Variants in SLC24A2 observed in about 807,000 individuals in gnomAD.
The protein encoded by SLC24A2 is sodium/potassium/calcium exchanger 2.
In SLC24A2, 36 loss-of-function variants were observed where a neutral mutation model predicts 62.0. The observed-to-expected ratio is 0.58, with a 90% CI of 0.44 to 0.77. The LOEUF is 0.77. SLC24A2 is among the 30% of genes least tolerant of loss of function. SLC24A2 has a pLI of 0.00. For synonymous variants in SLC24A2, 358 were observed against 294.0 expected, an observed-to-expected ratio of 1.22 and a Z score of -2.23; for missense variants, 846 against 817.9, an observed-to-expected ratio of 1.03 and a Z score of -0.42.
chr9:19,584,326 A>G (rs970327205), intron 5 of SLC24A2, among the ~76,000 whole-genome samples: 2 of 152,158 alleles, frequency 1.3e-5, no homozygotes, highest in Non-Finnish European at 2.9e-5. Flanking sequence ...AAACAAACAA[A>G]AAACAAAAAA....
chr9:20,245,469 G>A, the SLC24A2 span, among the ~76,000 whole-genome samples: 3 of 152,188 alleles, frequency 2.0e-5, no homozygotes, highest in Non-Finnish European at 2.9e-5. Flanking sequence ...AGAGCATGGC[G>A]ACTGGGAGTG....
the SLC24A2 span, among the ~76,000 whole-genome samples, chr9:20,015,321 T>C: frequency 6.6e-6 from 1 of 152,188 alleles, no homozygotes; most frequent in Non-Finnish European, 1.5e-5. Flanking sequence ...GCTTCAAAGA[T>C]GGGTAGCCTT....
the SLC24A2 span, among the ~76,000 whole-genome samples, chr9:20,214,085 C>A: frequency 6.6e-6 from 1 of 152,134 alleles, no homozygotes; most frequent in African/African-American, 2.4e-5. Context: ...GTATATACCA[C>A]AATTTATTAA....
At chr9:19,554,199 G>A (rs1834973595) in intron 7 of SLC24A2, among the ~76,000 whole-genome samples, 1 of 152,202 alleles carries the variant, frequency 6.6e-6, no homozygotes, top group Non-Finnish European at 1.5e-5. Context: ...GGCAGCGGCA[G>A]CAAGCAAAGG....
the SLC24A2 span, among the ~76,000 whole-genome samples, chr9:20,259,132 G>A: frequency 2.0e-5 from 3 of 152,140 alleles, no homozygotes; most frequent in Non-Finnish European, 1.5e-5. Flanking sequence ...AATGTGAATT[G>A]TTTCCAAGAA....
At chr9:19,672,014 C>CT (rs1231927672) in intron 2 of SLC24A2, among the ~76,000 whole-genome samples, 3 of 145,036 alleles carry the variant, frequency 2.1e-5, no homozygotes, top group Admixed American at 6.7e-5. Flanking sequence ...CTGTAATTTT[C>CT]TTTTTTTTGT....
Position 19,520,884 on chromosome 9 carries a change from C to G in SLC24A2, c.1736+10G>C, listed in dbSNP as rs367881313. ...CTGGTGCACACCTTTGTAGAACTAC[C>G]TCTACTCACCCTACAGTGATGTCAA... is the stretch of plus-strand genomic sequence containing the variant. On this transcript the variant is annotated intron_variant, in intron 10 of 10. Transcript: ENST00000341998. 6.2e-7 allele frequency: 1 copy of G among 1,613,210 alleles called. No homozygotes were observed. Among genetic ancestry groups the G allele is most frequent in the Non-Finnish European group, 8.5e-7 (1 of 1,179,368 alleles).
the SLC24A2 span, among the ~76,000 whole-genome samples, chr9:19,832,736 C>G: frequency 6.6e-6 from 1 of 152,160 alleles, no homozygotes; most frequent in African/African-American, 2.4e-5. Flanking sequence ...CCAAAACTGA[C>G]AAATGGGATC....
chr9:20,169,440 C>A, the SLC24A2 span, among the ~76,000 whole-genome samples: 1 of 151,890 alleles, frequency 6.6e-6, no homozygotes, highest in Non-Finnish European at 1.5e-5. Context: ...CCTGCAGGAC[C>A]CAGGAGACAC....
the SLC24A2 span, among the ~76,000 whole-genome samples, chr9:20,004,735 G>C: frequency 6.6e-6 from 1 of 152,014 alleles, no homozygotes; most frequent in East Asian, 1.9e-4. Context: ...TAAATTCAAA[G>C]AATGAAGGAT....
chr9:19,833,714 C>G, the SLC24A2 span, among the ~76,000 whole-genome samples: 1 of 152,238 alleles, frequency 6.6e-6, no homozygotes, highest in Non-Finnish European at 1.5e-5. Context: ...TGTGTGACAG[C>G]TTTGAAGAGA....
At chr9:19,559,347 T>C (rs903615756) in intron 7 of SLC24A2, among the ~76,000 whole-genome samples, 5 of 152,204 alleles carry the variant, frequency 3.3e-5, no homozygotes, top group Non-Finnish European at 2.9e-5. Context: ...ATATCAATAA[T>C]TTCTTATTCT....
the SLC24A2 span, among the ~76,000 whole-genome samples, chr9:20,025,493 T>C: frequency 6.6e-6 from 1 of 152,152 alleles, no homozygotes; most frequent in African/African-American, 2.4e-5. Context: ...TTTTAGGTAT[T>C]TGGGTGAACA....
chr9:19,754,591 T>C (rs774540497), intron 2 of SLC24A2, among the ~76,000 whole-genome samples: 1 of 151,760 alleles, frequency 6.6e-6, no homozygotes, highest in Non-Finnish European at 1.5e-5. Flanking sequence ...ATTTAGAAGG[T>C]GAAAGTCAGG....
At chr9:20,123,235 G>A in the SLC24A2 span, among the ~76,000 whole-genome samples, 11 of 151,994 alleles carry the variant, frequency 7.2e-5, no homozygotes, top group Non-Finnish European at 1.6e-4. Flanking sequence ...CCTTTTATAA[G>A]GCAAAATCCC....
At chr9:19,953,435 T>A in the SLC24A2 span, among the ~76,000 whole-genome samples, 1 of 152,012 alleles carries the variant, frequency 6.6e-6, no homozygotes, top group African/African-American at 2.4e-5. Flanking sequence ...GATATTATTA[T>A]CTAGTACTCT....
At chr9:20,219,819 G>T in the SLC24A2 span, among the ~76,000 whole-genome samples, 2 of 152,102 alleles carry the variant, frequency 1.3e-5, no homozygotes, top group African/African-American at 2.4e-5. Flanking sequence ...TGTGATATTT[G>T]TTTGTCAATA....
chr9:20,013,264 GT>G, the SLC24A2 span, among the ~76,000 whole-genome samples: 1 of 151,954 alleles, frequency 6.6e-6, no homozygotes, highest in African/African-American at 2.4e-5. Context: ...GGCAATTATA[GT>G]CAACCAATTT....
intron 2 of SLC24A2, among the ~76,000 whole-genome samples, chr9:19,763,837 A>G (rs1822424201): frequency 6.6e-6 from 1 of 152,164 alleles, no homozygotes; most frequent in Non-Finnish European, 1.5e-5. Flanking sequence ...AGAACGAGTT[A>G]GGGAGGACTT....
Sources: allele counts gnomAD v4.1 joint callset (sites outside exome capture counted in the v4.1 genomes callset), GRCh38; gene constraint gnomAD v4.1.1; transcripts MANE v1.5; gene names NCBI Gene and HGNC (gene_info 2026-07-23, HGNC 2026-07-21).